The following PARG variants were observed in gnomAD, a reference collection of about 807,000 sequenced individuals.
PARG encodes mitochondrial poly(ADP-ribose) glycohydrolase.
In PARG, 35 loss-of-function variants were observed where a neutral mutation model predicts 113.0. That is an observed-to-expected ratio of 0.31 (90% confidence interval 0.24 to 0.41). The LOEUF is 0.41. Ranked by LOEUF, PARG falls within the 10% of genes least tolerant of loss-of-function variation. The pLI, the probability that PARG is intolerant of heterozygous loss-of-function variation, is 1.00. For missense variants in PARG, 797 were observed against 1,169.4 expected, an observed-to-expected ratio of 0.68 and a Z score of 4.64; for synonymous variants, 330 against 409.9, an observed-to-expected ratio of 0.81 and a Z score of 2.36.
intron 7 of PARG, among the ~76,000 whole-genome samples, chr10:49,901,870 C>G (rs7901336): frequency 0.069 from 10,564 of 152,128 alleles, 514 homozygotes; most frequent in African/African-American, 0.12. Flanking sequence ...GCAGAAGGAT[C>G]CTTAGGGATG....
intron 7 of PARG, among the ~76,000 whole-genome samples, chr10:49,891,454 C>A (rs1554841465): frequency 6.6e-6 from 1 of 150,782 alleles, no homozygotes; most frequent in East Asian, 1.9e-4. Context: ...AAGTTACTAA[C>A]AATCCTCTTT....
At chr10:49,827,411 G>A (rs1366138342) in intron 16 of PARG, among the ~76,000 whole-genome samples, 1 of 152,220 alleles carries the variant, frequency 6.6e-6, no homozygotes, top group Non-Finnish European at 1.5e-5. Context: ...CTTGTTTACA[G>A]GTCAGGTAAC....
chr10:49,938,722 C>A (rs1414885587), intron 1 of PARG, among the ~76,000 whole-genome samples: 3 of 151,864 alleles, frequency 2.0e-5, no homozygotes, highest in Admixed American at 2.0e-4. Flanking sequence ...CAGGTGCATG[C>A]CCAGCAAAAT....
Position 49,819,427 on chromosome 10 carries a change from T to C in PARG, c.2844A>G (p.Pro948=). The C allele has an allele frequency of 1.3e-6, 2 of 1,551,306 alleles. No individual in the cohort carries two copies. Among genetic ancestry groups the C allele is most frequent in the African/African-American group, 1.4e-5 (1 of 73,168 alleles). ...EECRNCSTPG[P]DIKLYPFIYH... ...ATATGAATGGATAAAGCTTGATGTCTGGTCCAGGGGTGGAACAGTTTCTGC... is the reference window on the plus strand; with the variant it reads ...ATATGAATGGATAAAGCTTGATGTCCGGTCCAGGGGTGGAACAGTTTCTGC... Residue 948 remains proline, a synonymous_variant, in exon 18 of 18, where the codon CCA becomes CCG. Transcript: ENST00000616448.
intron 9 of PARG, among the ~76,000 whole-genome samples, chr10:49,869,852 T>G (rs1263929406): frequency 6.6e-6 from 1 of 151,672 alleles, no homozygotes; most frequent in Non-Finnish European, 1.5e-5. Context: ...CCCAGTCAAC[T>G]GGGGTCAGTC....
intron 7 of PARG, among the ~76,000 whole-genome samples, chr10:49,900,010 CA>C (rs764909725): frequency 2.9e-4 from 44 of 151,796 alleles, no homozygotes; most frequent in Non-Finnish European, 5.7e-4. Context: ...ATTAATTTGA[CA>C]GTTGCTTAAT....
At chr10:49,918,204 T>C (rs1330533938) in intron 6 of PARG, among the ~76,000 whole-genome samples, 1 of 152,186 alleles carries the variant, frequency 6.6e-6, no homozygotes, top group Non-Finnish European at 1.5e-5. Flanking sequence ...GGGAGCTTCA[T>C]GGGTATGTGT....
intron 4 of PARG, among the ~76,000 whole-genome samples, chr10:49,931,326 T>C (rs1278680462): frequency 3.3e-5 from 5 of 152,110 alleles, no homozygotes; most frequent in Admixed American, 3.3e-4. Flanking sequence ...ACTGCCACCG[T>C]AGGACTAACA....
intron 11 of PARG, among the ~76,000 whole-genome samples, chr10:49,862,354 A>T (rs1354936372): frequency 6.6e-6 from 1 of 151,442 alleles, no homozygotes; most frequent in African/African-American, 2.4e-5. Flanking sequence ...AATAAAAAAT[A>T]TAAATGAATG....
chr10:49,847,999 T>C (rs1412999633), intron 13 of PARG, among the ~76,000 whole-genome samples: 2 of 151,888 alleles, frequency 1.3e-5, no homozygotes, highest in Admixed American at 6.6e-5. Flanking sequence ...GGAAATTCCA[T>C]GTATTATACC....
chr10:49,912,726 A>C (rs570822454), intron 7 of PARG, among the ~76,000 whole-genome samples: 12 of 152,312 alleles, frequency 7.9e-5, no homozygotes, highest in Admixed American at 7.2e-4. Context: ...GCACTTTGGG[A>C]GGCTGAGGAG....
At chr10:49,923,120 C>G (rs1476613733) in intron 4 of PARG, among the ~76,000 whole-genome samples, 5 of 152,264 alleles carry the variant, frequency 3.3e-5, no homozygotes, top group East Asian at 1.9e-4. Flanking sequence ...TTAAACATAG[C>G]AAATTCATTT....
At chr10:49,941,267 T>C (rs1839042773) in intron 1 of PARG, among the ~76,000 whole-genome samples, 1 of 152,150 alleles carries the variant, frequency 6.6e-6, no homozygotes, top group African/African-American at 2.4e-5. Context: ...AAACAGGTGG[T>C]GGAGTCTCCT....
intron 13 of PARG, among the ~76,000 whole-genome samples, chr10:49,847,278 G>A (rs1845556523): frequency 6.6e-6 from 1 of 152,176 alleles, no homozygotes; most frequent in African/African-American, 2.4e-5. Context: ...CAGTTTCAAA[G>A]TATATAAAAT....
intron 10 of PARG, among the ~76,000 whole-genome samples, chr10:49,865,753 A>G (rs1170921715): frequency 1.3e-5 from 2 of 150,934 alleles, no homozygotes; most frequent in Non-Finnish European, 3.0e-5. Flanking sequence ...TAACTGGTAC[A>G]GCTAATGCAA....
At chr10:49,894,835 C>A (rs1377990303) in intron 7 of PARG, among the ~76,000 whole-genome samples, 2 of 152,306 alleles carry the variant, frequency 1.3e-5, no homozygotes, top group East Asian at 3.9e-4. Flanking sequence ...TATTATCTCA[C>A]AGTTCTGGAG....
rs534306498 is a variant in PARG at position 49,830,613 on chromosome 10, T to A, written c.2647+2190A>T. On this transcript the variant is annotated intron_variant, in intron 16 of 17. Transcript: ENST00000616448. ...CTAGCCAGTGATAAAATCAAACTAC[T>A]CCCAAAGAGATGAATGGGCAGAAGG... Among the ~76,000 whole-genome samples the A allele has an allele frequency of 6.6e-5, 10 of 152,062 alleles. No homozygotes were observed. In the East Asian group the frequency reaches 1.7e-3, roughly 26 times the overall value.
At chr10:49,841,888 T>C in intron 15 of PARG, 62 bp downstream of exon 15, 1 of 1,016,350 alleles carries the variant, frequency 9.8e-7, no homozygotes, top group Non-Finnish European at 1.5e-6. Flanking sequence ...AATTTCAGCA[T>C]TAATAAAATG....
At chr10:49,910,138 T>G (rs1158416872) in intron 7 of PARG, among the ~76,000 whole-genome samples, 1 of 152,110 alleles carries the variant, frequency 6.6e-6, no homozygotes, top group Non-Finnish European at 1.5e-5. Flanking sequence ...TAAATAAAAA[T>G]GCAAGTTCAA....
Sources: gnomAD v4.1 joint callset for allele counts (sites outside exome capture counted in the v4.1 genomes callset) on GRCh38, gnomAD v4.1.1 for gene constraint, MANE v1.5 for transcripts, NCBI Gene and HGNC (gene_info 2026-07-23, HGNC 2026-07-21) for gene names.